The following AHCTF1 variants were observed in gnomAD, a reference collection of about 807,000 sequenced individuals.
AHCTF1 encodes protein ELYS.
AHCTF1 carries 24 observed loss-of-function variants against 248.4 expected under a neutral mutation model. The ratio of observed to expected loss-of-function variants is 0.10; its 90% CI spans 0.07 to 0.14. The LOEUF is 0.14. Among genes scored for constraint, AHCTF1 ranks in the 10% least tolerant of loss-of-function variants. The pLI is 1.00. For synonymous variants in AHCTF1, 786 were observed against 929.8 expected, an observed-to-expected ratio of 0.85 and a Z score of 2.81; for missense variants, 2,206 against 2,636.2, an observed-to-expected ratio of 0.84 and a Z score of 3.57.
chr1:246,877,020 A>G lies in AHCTF1; in HGVS notation c.2867T>C (p.Val956Ala). The G allele has an allele frequency of 6.2e-7, 1 of 1,612,200 alleles. No homozygotes were observed. Among genetic ancestry groups the G allele is most frequent in the South Asian group, 1.1e-5 (1 of 90,994 alleles). The change falls in exon 23 of 36, where the codon GTG becomes GCG. Residue 956 changes from valine to alanine, a missense_variant. By Grantham distance (64) the Val-to-Ala change is moderately conservative. Coordinates refer to ENST00000648844, the MANE Select transcript of AHCTF1 (RefSeq NM_001323342.2). Reference sequence around the variant, plus strand: ...ATAATTGGCACGCTGCAAATGGTGCACTAAAAGGAATTCATGATTCTGAAC... The same window carrying G: ...ATAATTGGCACGCTGCAAATGGTGCGCTAAAAGGAATTCATGATTCTGAAC... Reference protein sequence around the residue: ...ASVQNHEFLLVHHLQRANYVP... With the variant: ...ASVQNHEFLLAHHLQRANYVP...
intron 28 of AHCTF1, 31 bp downstream of exon 28, chr1:246,861,928 T>C: frequency 1.9e-6 from 3 of 1,558,868 alleles, no homozygotes; most frequent in Non-Finnish European, 2.6e-6. Flanking sequence ...TATTAAAAAA[T>C]GTCTTTTCTC....
At chr1:246,890,235 G>A in intron 16 of AHCTF1, among the ~76,000 whole-genome samples, 176 bp from the exon 17 acceptor site, 1 of 152,298 alleles carries the variant, frequency 6.6e-6, no homozygotes, top group South Asian at 2.1e-4. Flanking sequence ...AGGCACAAGT[G>A]AGAAAATGAT....
chr1:246,899,567 TA>T (rs1664850086), intron 10 of AHCTF1, 55 bp from the exon 11 acceptor site: 8 of 1,390,860 alleles, frequency 5.8e-6, no homozygotes, highest in Non-Finnish European at 8.0e-6. Flanking sequence ...ATGGCATTAA[TA>T]GAACAAAATT....
At chr1:246,930,896 G>A (rs1410542213) in intron 1 of AHCTF1, among the ~76,000 whole-genome samples, 1 of 152,144 alleles carries the variant, frequency 6.6e-6, no homozygotes, top group African/African-American at 2.4e-5. Flanking sequence ...CAGATAGTAT[G>A]AACCTCGTAA....
intron 1 of AHCTF1, among the ~76,000 whole-genome samples, chr1:246,923,433 A>T (rs772146323): frequency 2.2e-4 from 33 of 148,344 alleles, no homozygotes; most frequent in Non-Finnish European, 2.9e-4. Flanking sequence ...AAATAAATAC[A>T]TAAATAAATA....
rs760930694 is a variant in AHCTF1 at position 246,891,764 on chromosome 1, A to C, written c.1945+15T>G. 3.7e-6 allele frequency: 6 copies of C among 1,603,564 alleles called. No individual in the cohort carries two copies. The South Asian group carries it at 6.8e-5, about 18-fold the overall frequency. On this transcript the variant is annotated intron_variant, in intron 15 of 35. Coordinates refer to ENST00000648844, the MANE Select transcript of AHCTF1 (RefSeq NM_001323342.2). ...AATTTAATAAAACACTCATTTGATAAAACAAAGAGCGTACCTCTCTCAGTG... is the reference window on the plus strand; with the variant it reads ...AATTTAATAAAACACTCATTTGATACAACAAAGAGCGTACCTCTCTCAGTG...
At chr1:246,852,376 T>C (rs1165793970) in intron 32 of AHCTF1, among the ~76,000 whole-genome samples, 4 of 94,300 alleles carry the variant, frequency 4.2e-5, no homozygotes, top group African/African-American at 9.5e-5. Context: ...ATTAGAAGAG[T>C]TGGTTTTTTA....
Position 246,890,056 on chromosome 1 carries a change from T to C in AHCTF1, c.2054A>G (p.Asp685Gly), listed in dbSNP as rs201266735. 1.9e-6 allele frequency: 3 copies of C among 1,607,530 alleles called. No individual in the cohort carries two copies. Among genetic ancestry groups the C allele is most frequent in the Non-Finnish European group, 2.6e-6 (3 of 1,176,076 alleles). ...GCATAACCTTGACAACTGCACAGAA[T>C]CATCTAGATTTTTAAGAGTTGGAAA... ...HSGLLPEGIDDSVQLSRLCYN... is the reference protein window; with the variant it reads ...HSGLLPEGIDGSVQLSRLCYN... Residue 685 changes from aspartate (D) to glycine (G), a missense_variant, in exon 17 of 36, where the codon GAT (aspartate) becomes GGT (glycine). This residue lies in a region of AHCTF1 where 650 missense variants were observed against 870.8 expected (regional missense o/e 0.75). Transcript: ENST00000648844.
At chr1:246,908,163 T>A (rs1325207222) in intron 4 of AHCTF1, among the ~76,000 whole-genome samples, 3 of 152,134 alleles carry the variant, frequency 2.0e-5, no homozygotes, top group African/African-American at 7.2e-5. Context: ...GCCTGGTACA[T>A]CTTATGCCAA....
chr1:246,915,141 C>T (rs1305959325), intron 3 of AHCTF1, among the ~76,000 whole-genome samples: 1 of 152,040 alleles, frequency 6.6e-6, no homozygotes, highest in African/African-American at 2.4e-5. Context: ...AGCAGCCTGG[C>T]CAACAGGGTG....
At chr1:246,927,780 G>A (rs752975503) in intron 1 of AHCTF1, among the ~76,000 whole-genome samples, 5 of 152,116 alleles carry the variant, frequency 3.3e-5, no homozygotes, top group African/African-American at 4.8e-5. Flanking sequence ...CGAGGCTGGC[G>A]GATCACAAGG....
Position 246,915,245 on chromosome 1 carries a change from G to A in AHCTF1, c.375+897C>T, listed in dbSNP as rs111892942. Among the ~76,000 whole-genome samples, 1,250 of 152,258 alleles carry A rather than the reference G, an allele frequency of 8.2e-3. 14 individuals are homozygous for A. Among genetic ancestry groups the A allele is most frequent in the African/African-American group, 0.028 (1,182 of 41,548 alleles). ...CTCAGGAGGCTAAGGCAGGAGAATCGGTTGAACCCGGGACACAGAGGTTGC... is the reference window on the plus strand; with the variant it reads ...CTCAGGAGGCTAAGGCAGGAGAATCAGTTGAACCCGGGACACAGAGGTTGC... On this transcript the variant is annotated intron_variant, in intron 3 of 35. Coordinates refer to ENST00000648844, the MANE Select transcript of AHCTF1 (RefSeq NM_001323342.2).
chr1:246,849,607 A>G lies in AHCTF1; in HGVS notation c.6391+8T>C. 6.3e-7 allele frequency: 1 copy of G among 1,595,000 alleles called. No individual in the cohort carries two copies. The highest frequency in any genetic ancestry group is 8.5e-7 in the Non-Finnish European group (1 of 1,170,382). ...ATGAAAAACTGTTTTGCAGAGAAAGAAAAGTACCTTTTGCTTTCCTTGGAA... is the reference window on the plus strand; with the variant it reads ...ATGAAAAACTGTTTTGCAGAGAAAGGAAAGTACCTTTTGCTTTCCTTGGAA... On this transcript the variant is annotated splice_region_variant and intron_variant, in intron 33 of 35. Coordinates refer to ENST00000648844, the MANE Select transcript of AHCTF1 (RefSeq NM_001323342.2).
chr1:246,898,612 T>A (rs1218234010), intron 11 of AHCTF1, among the ~76,000 whole-genome samples: 2 of 143,380 alleles, frequency 1.4e-5, no homozygotes, highest in East Asian at 4.0e-4. Context: ...TTTGGTGACA[T>A]CTTGACAAAA....
chr1:246,900,302 A>G lies in AHCTF1; in HGVS notation c.1250+35T>C, dbSNP rs766266032. On this transcript the variant is annotated intron_variant, in intron 9 of 35. Coordinates refer to ENST00000648844, the MANE Select transcript of AHCTF1 (RefSeq NM_001323342.2). ...ATTGGTCAGCTACACATACAAATAC[A>G]AAGAGAAAGGAGAGAGAAAAAAAAA... 14 of 1,583,506 alleles carry G rather than the reference A, an allele frequency of 8.8e-6. No homozygotes were observed. In the East Asian group the frequency reaches 3.1e-4, roughly 35 times the overall value.
chr1:246,921,222 G>GA (rs543947162), intron 1 of AHCTF1, among the ~76,000 whole-genome samples: 108 of 152,076 alleles, frequency 7.1e-4, no homozygotes, highest in African/African-American at 2.4e-3. Flanking sequence ...ACAAAACTAT[G>GA]AAAAAAACAA....
rs192955815 is a variant in AHCTF1, at chr1:246,889,841, G to T, written c.2144+125C>A. The T allele has an allele frequency of 3.2e-5, 20 of 623,448 alleles. 1 individual carries two copies. In the South Asian group the frequency reaches 4.5e-4, roughly 14 times the overall value. 38.6% of individuals were successfully genotyped at this position (623,448 alleles called of 1,614,324 possible). On this transcript the variant is annotated intron_variant, in intron 17 of 35. Transcript: ENST00000648844. ...AAAAAAGAGAAATAAAATAGTAATGGTAATAGCAAATTCTGATACTTAACT... is the reference window on the plus strand; with the variant it reads ...AAAAAAGAGAAATAAAATAGTAATGTTAATAGCAAATTCTGATACTTAACT...
At chr1:246,874,118 G>A (rs1038353873) in intron 24 of AHCTF1, among the ~76,000 whole-genome samples, 14 of 151,750 alleles carry the variant, frequency 9.2e-5, no homozygotes, top group Non-Finnish European at 1.9e-4. Context: ...TTTAATATTA[G>A]AGACAACCCA....
chr1:246,901,361 G>A (rs1381859698), intron 8 of AHCTF1, among the ~76,000 whole-genome samples: 1 of 152,066 alleles, frequency 6.6e-6, no homozygotes, highest in East Asian at 1.9e-4. Context: ...AACAGGCCAG[G>A]TGCGGTGGCT....
Sources: allele counts gnomAD v4.1 joint callset (sites outside exome capture counted in the v4.1 genomes callset), GRCh38; gene constraint gnomAD v4.1.1; regional missense constraint gnomAD v4.1.1; transcripts MANE v1.5; gene names NCBI Gene and HGNC (gene_info 2026-07-23, HGNC 2026-07-21).